ASIC2: variants seen among roughly 807,000 people sequenced by gnomAD.
The protein encoded by ASIC2 is acid sensing ion channel subunit 2, also known as acid-sensing ion channel 2.
In ASIC2, 25 loss-of-function variants were observed where a neutral mutation model predicts 57.3. The ratio of observed to expected loss-of-function variants is 0.44; its 90% confidence interval spans 0.32 to 0.61. The LOEUF (loss-of-function observed/expected upper bound fraction) is 0.61, where lower values mean the gene tolerates loss of function less well. Ranked by LOEUF, ASIC2 falls within the 20% of genes least tolerant of loss-of-function variation. ASIC2 has a pLI of 0.06. For missense variants in ASIC2, 641 were observed against 738.1 expected, an observed-to-expected ratio of 0.87 and a Z score of 1.52; for synonymous variants, 319 against 307.5, an observed-to-expected ratio of 1.04 and a Z score of -0.39.
rs1411855171 is a variant in ASIC2 at position 33,554,399 on chromosome 17, TG to T, written c.556-442333del. Reference sequence around the variant, plus strand: ...GTGTGTGTGTTTGCACGTGTGCACGTGTGGTGGATGGGGATCAATTGAAGGG... The same window carrying T: ...GTGTGTGTGTTTGCACGTGTGCACGTTGGTGGATGGGGATCAATTGAAGGG... On this transcript the variant is annotated intron_variant, in intron 1 of 9. Coordinates refer to the ASIC2 transcript ENST00000359872. 2.0e-5 allele frequency among the ~76,000 whole-genome samples: 3 copies of T among 152,076 alleles called. No individual in the cohort carries two copies. In the East Asian group the frequency reaches 5.8e-4, roughly 29 times the overall value.
intron 1 of ASIC2, among the ~76,000 whole-genome samples, chr17:34,125,941 G>A (rs545991930): frequency 3.3e-5 from 5 of 152,294 alleles, no homozygotes; most frequent in South Asian, 2.1e-4. Flanking sequence ...CCCCATCCAC[G>A]TCACTCCCCT....
At chr17:33,523,199 C>T (rs1283507412) in intron 1 of ASIC2, among the ~76,000 whole-genome samples, 1 of 152,166 alleles carries the variant, frequency 6.6e-6, no homozygotes, top group Non-Finnish European at 1.5e-5. Flanking sequence ...AGTACTCAGC[C>T]CCTCTGAAAC....
At position 33,131,854 on chromosome 17, in the gene ASIC2, T is replaced by C. The variant is rs1447026031; in HGVS notation, c.709-19787A>G. ...CTAATGGTGCGTTTTAGAACATAAG[T>C]GGTAACCACCAAATGGGACCCGAGA... On this transcript the variant is annotated intron_variant, in intron 1 of 9. Coordinates refer to ENST00000225823, the MANE Select transcript of ASIC2 (RefSeq NM_183377.2). 4 of 151,832 alleles carry C rather than the reference T, an allele frequency of 2.6e-5. No homozygotes were observed. The East Asian group carries it at 5.8e-4, about 22-fold the overall frequency. 9.4% of individuals were successfully genotyped at this position (151,832 alleles called of 1,614,324 possible).
chr17:33,328,306 G>A (rs374610509), intron 1 of ASIC2, among the ~76,000 whole-genome samples: 2 of 152,190 alleles, frequency 1.3e-5, no homozygotes, highest in African/African-American at 4.8e-5. Flanking sequence ...GCCAACCGGG[G>A]AGAATGGAGG....
intron 1 of ASIC2, among the ~76,000 whole-genome samples, chr17:33,502,297 G>A (rs1914123657): frequency 6.6e-6 from 1 of 152,208 alleles, no homozygotes; most frequent in Non-Finnish European, 1.5e-5. Flanking sequence ...AGGCAGTGGG[G>A]ACACTAGGGA....
intron 1 of ASIC2, among the ~76,000 whole-genome samples, chr17:33,507,157 T>G (rs953121210): frequency 6.6e-6 from 1 of 152,176 alleles, no homozygotes; most frequent in Non-Finnish European, 1.5e-5. Flanking sequence ...GGACAATGAT[T>G]CTATTAGTCC....
chr17:33,686,252 G>A (rs1005720405), intron 1 of ASIC2, among the ~76,000 whole-genome samples: 3 of 152,084 alleles, frequency 2.0e-5, no homozygotes, highest in African/African-American at 2.4e-5. Context: ...CAAAGAGCAC[G>A]CTATTCTTGA....
At chr17:33,412,695 A>G (rs1910707027) in intron 1 of ASIC2, among the ~76,000 whole-genome samples, 1 of 152,210 alleles carries the variant, frequency 6.6e-6, no homozygotes, top group Non-Finnish European at 1.5e-5. Context: ...ACATAGGCAT[A>G]GAGGAAGGCT....
At chr17:33,051,127 C>A (rs2091973823) in intron 3 of ASIC2, among the ~76,000 whole-genome samples, 1 of 151,994 alleles carries the variant, frequency 6.6e-6, no homozygotes, top group Non-Finnish European at 1.5e-5. Context: ...TTTCAGAGAC[C>A]CATTGAGAGA....
At chr17:33,114,720 T>G (rs1169597729) in intron 1 of ASIC2, among the ~76,000 whole-genome samples, 1 of 152,204 alleles carries the variant, frequency 6.6e-6, no homozygotes, top group East Asian at 1.9e-4. Flanking sequence ...GTGTAAGAAT[T>G]GAAAAGGGTC....
At chr17:33,612,940 A>C (rs879244610) in intron 1 of ASIC2, among the ~76,000 whole-genome samples, 1 of 152,168 alleles carries the variant, frequency 6.6e-6, no homozygotes, top group Non-Finnish European at 1.5e-5. Context: ...GGACTCACTC[A>C]TTGATTCACA....
chr17:33,298,508 T>G (rs1359957617), intron 1 of ASIC2, among the ~76,000 whole-genome samples: 3 of 152,226 alleles, frequency 2.0e-5, no homozygotes, highest in African/African-American at 7.2e-5. Context: ...TAATGGACCT[T>G]TGGGTTGGTT....
rs372228144 is a variant in ASIC2 at position 33,567,212 on chromosome 17, C to T, written c.556-455145G>A. 5.3e-4 allele frequency among the ~76,000 whole-genome samples: 80 copies of T among 152,066 alleles called. No homozygotes were observed. In the South Asian group the frequency reaches 7.9e-3, roughly 15 times the overall value. On this transcript the variant is annotated intron_variant, in intron 1 of 9. Coordinates refer to the ASIC2 transcript ENST00000359872. ...AAGTCTCTGAGCTGAGATCTGAAAG[C>T]GGTGAGAGAGTGGCCTTATGAAGGT...
At chr17:33,471,090 T>C (rs753252099) in intron 1 of ASIC2, among the ~76,000 whole-genome samples, 2 of 152,244 alleles carry the variant, frequency 1.3e-5, no homozygotes, top group East Asian at 1.9e-4. Flanking sequence ...GAGCATGTTC[T>C]GTGTAATTCT....
At chr17:33,898,676 A>G (rs1915164118) in intron 1 of ASIC2, among the ~76,000 whole-genome samples, 1 of 152,158 alleles carries the variant, frequency 6.6e-6, no homozygotes, top group Admixed American at 6.5e-5. Context: ...CTGCTTCAAA[A>G]TCCAATCCAA....
At chr17:33,842,745 T>C (rs759862032) in intron 1 of ASIC2, among the ~76,000 whole-genome samples, 13 of 152,120 alleles carry the variant, frequency 8.5e-5, no homozygotes, top group Non-Finnish European at 1.8e-4. Flanking sequence ...TAGCTGAGGA[T>C]GAAGATTGGA....
chr17:33,615,287 A>C (rs1284069864), intron 1 of ASIC2, among the ~76,000 whole-genome samples: 1 of 152,242 alleles, frequency 6.6e-6, no homozygotes, highest in Non-Finnish European at 1.5e-5. Flanking sequence ...TTGTATAGGC[A>C]GTACTTAAAA....
intron 3 of ASIC2, among the ~76,000 whole-genome samples, chr17:33,061,971 G>T (rs199634285): frequency 0.18 from 27,704 of 152,148 alleles, 3,431 homozygotes; most frequent in East Asian, 0.48. Context: ...AATATTCTCT[G>T]ATGGTAGTTT....
At chr17:33,930,901 ATT>A (rs914385844) in intron 1 of ASIC2, among the ~76,000 whole-genome samples, 7 of 151,842 alleles carry the variant, frequency 4.6e-5, no homozygotes, top group African/African-American at 1.7e-4. Flanking sequence ...AGATTTATTT[ATT>A]TGTTTGTTTG....
Sources: gnomAD v4.1 joint callset for allele counts (sites outside exome capture counted in the v4.1 genomes callset) on GRCh38, gnomAD v4.1.1 for gene constraint, MANE v1.5 for transcripts, NCBI Gene and HGNC (gene_info 2026-07-23, HGNC 2026-07-21) for gene names.